Variants in ATP8A2 observed in about 807,000 individuals in gnomAD.
ATP8A2 encodes the protein ATPase phospholipid transporting 8A2.
ATP8A2 carries 100 observed loss-of-function variants against 165.6 expected under a neutral mutation model. The observed-to-expected ratio is 0.60, with a 90% CI of 0.51 to 0.71. The LOEUF (loss-of-function observed/expected upper bound fraction) is 0.71. Among genes scored for constraint, ATP8A2 ranks in the 30% least tolerant of loss-of-function variants. ATP8A2 has a pLI of 0.00. For synonymous variants in ATP8A2, 543 were observed against 548.8 expected (o/e 0.99, Z 0.15); for missense variants, 1,227 against 1,479.5 (o/e 0.83, Z 2.80).
In ATP8A2 at chr13:25,435,989, G is replaced by A. The variant is rs1593304921; in HGVS notation, c.77-32988G>A. The stretch of plus-strand genomic sequence containing the variant: ...TGTGTGTGTATGTGTGTGTGAGTGT[G>A]TGTATGTGTGTGTGTCTTTCAGACT... On this transcript the variant is annotated intron_variant, in intron 1 of 36. Transcript: ENST00000381655. 2.0e-5 allele frequency among the ~76,000 whole-genome samples: 3 copies of A among 151,854 alleles called. No homozygotes were observed. The East Asian group carries it at 5.8e-4, about 29-fold the overall frequency.
chr13:26,007,514 G>C (rs1956766375), intron 35 of ATP8A2, among the ~76,000 whole-genome samples: 1 of 152,180 alleles, frequency 6.6e-6, no homozygotes, highest in African/African-American at 2.4e-5. Context: ...TTGTTCTGTA[G>C]ACATGGTGTT....
At chr13:25,990,061 G>A (rs908088409) in intron 35 of ATP8A2, among the ~76,000 whole-genome samples, 10 of 152,184 alleles carry the variant, frequency 6.6e-5, no homozygotes, top group African/African-American at 2.2e-4. Context: ...CTCAGACATG[G>A]TTTCAGGGAG....
intron 24 of ATP8A2, among the ~76,000 whole-genome samples, chr13:25,597,114 A>T (rs2040255839): frequency 6.6e-6 from 1 of 152,220 alleles, no homozygotes; most frequent in Non-Finnish European, 1.5e-5. Flanking sequence ...TATGCTTTTT[A>T]AAATTACTGA....
chr13:25,566,727 T>C (rs2138152553), intron 16 of ATP8A2, among the ~76,000 whole-genome samples: 1 of 152,340 alleles, frequency 6.6e-6, no homozygotes, highest in Middle Eastern at 3.4e-3. Flanking sequence ...GAGACTCATT[T>C]ATTTATTCAC....
intron 30 of ATP8A2, among the ~76,000 whole-genome samples, chr13:25,857,906 A>C (rs1433114099): frequency 6.6e-6 from 1 of 152,014 alleles, no homozygotes; most frequent in Non-Finnish European, 1.5e-5. Flanking sequence ...ATTACACCTG[A>C]CATTTTATCG....
At chr13:25,382,116 C>T (rs193082684) in intron 1 of ATP8A2, among the ~76,000 whole-genome samples, 1 of 152,350 alleles carries the variant, frequency 6.6e-6, no homozygotes, top group African/African-American at 2.4e-5. Flanking sequence ...CCGGCAACCA[C>T]TGATCTTTTT....
At chr13:25,927,960 A>G (rs918563711) in intron 33 of ATP8A2, among the ~76,000 whole-genome samples, 1 of 152,380 alleles carries the variant, frequency 6.6e-6, no homozygotes, top group East Asian at 1.9e-4. Context: ...GTATCACTGC[A>G]TTCATTTCTC....
chr13:25,381,058 T>C (rs1167069275), intron 1 of ATP8A2, among the ~76,000 whole-genome samples: 1 of 152,232 alleles, frequency 6.6e-6, no homozygotes, highest in Non-Finnish European at 1.5e-5. Context: ...TTATATTTCT[T>C]TGAACCTAAT....
intron 2 of ATP8A2, among the ~76,000 whole-genome samples, chr13:25,518,284 G>A (rs1344186109): frequency 6.6e-6 from 1 of 152,250 alleles, no homozygotes. Flanking sequence ...CCTATCGGGA[G>A]CCTGCTAGGA....
At chr13:25,740,162 A>G (rs1451994641) in intron 25 of ATP8A2, among the ~76,000 whole-genome samples, 1 of 152,100 alleles carries the variant, frequency 6.6e-6, no homozygotes, top group East Asian at 1.9e-4. Context: ...ACAAAAAATT[A>G]GCTAGGCGTG....
chr13:25,984,896 C>T (rs2031351), intron 35 of ATP8A2, among the ~76,000 whole-genome samples: 49,534 of 152,076 alleles, frequency 0.33, 8,789 homozygotes, highest in Non-Finnish European at 0.4. Context: ...TTAGGACACA[C>T]ATACTTCATT....
intron 25 of ATP8A2, 145 bp downstream of exon 25, chr13:25,699,490 T>C (rs2042906955): frequency 3.1e-6 from 2 of 649,372 alleles, no homozygotes; most frequent in Non-Finnish European, 4.8e-6. Flanking sequence ...TATTTTTAAC[T>C]GTTGGTGCAC....
At chr13:25,530,695 A>G (rs777775880) in intron 4 of ATP8A2, 35 bp downstream of exon 4, 9 of 1,252,520 alleles carry the variant, frequency 7.2e-6, no homozygotes, top group Non-Finnish European at 3.4e-6. Flanking sequence ...AAATCATTGT[A>G]TGCAGTAGAT....
chr13:25,855,451 C>T (rs747884063), intron 30 of ATP8A2, among the ~76,000 whole-genome samples: 5 of 152,162 alleles, frequency 3.3e-5, no homozygotes, highest in Non-Finnish European at 7.3e-5. Context: ...TGTATCAGTA[C>T]TTCATTCCTT....
At chr13:25,447,370 A>G (rs1165678648) in intron 1 of ATP8A2, among the ~76,000 whole-genome samples, 1 of 152,146 alleles carries the variant, frequency 6.6e-6, no homozygotes, top group Non-Finnish European at 1.5e-5. Flanking sequence ...CATATCTATC[A>G]CCTCAAACAT....
intron 24 of ATP8A2, among the ~76,000 whole-genome samples, chr13:25,598,836 G>T (rs948759333): frequency 6.6e-6 from 1 of 152,044 alleles, no homozygotes; most frequent in African/African-American, 2.4e-5. Context: ...TCTAGATTCT[G>T]TTGTTTTCTT....
intron 33 of ATP8A2, among the ~76,000 whole-genome samples, chr13:25,925,017 G>A (rs1299576380): frequency 6.6e-6 from 1 of 152,136 alleles, no homozygotes; most frequent in Non-Finnish European, 1.5e-5. Flanking sequence ...TCTCAGATAC[G>A]TCTTTATTAG....
chr13:26,003,818 C>T (rs1434829768), intron 35 of ATP8A2, among the ~76,000 whole-genome samples: 1 of 152,162 alleles, frequency 6.6e-6, no homozygotes, highest in African/African-American at 2.4e-5. Flanking sequence ...TGTTGAAAAT[C>T]AGTTGACCAT....
intron 24 of ATP8A2, among the ~76,000 whole-genome samples, chr13:25,640,652 C>A (rs1418385910): frequency 5.9e-5 from 9 of 152,160 alleles, no homozygotes; most frequent in Non-Finnish European, 1.3e-4. Context: ...CAGATGGATT[C>A]ACAGCTGAAT....
Sources: gnomAD v4.1 joint callset for allele counts (sites outside exome capture counted in the v4.1 genomes callset) on GRCh38, gnomAD v4.1.1 for gene constraint, MANE v1.5 for transcripts, NCBI Gene and HGNC (gene_info 2026-07-23, HGNC 2026-07-21) for gene names.